Variants in XRCC4 observed in about 807,000 individuals in gnomAD.
The protein encoded by XRCC4 is X-ray repair cross complementing 4, also known as DNA repair protein XRCC4.
A neutral mutation model predicts 39.1 loss-of-function variants in XRCC4; 28 were observed. The ratio of observed to expected loss-of-function variants is 0.72; its 90% CI spans 0.53 to 0.98. XRCC4 has a LOEUF of 0.98. Among genes scored for constraint, XRCC4 ranks in the 50% least tolerant of loss-of-function variants. The probability of loss-of-function intolerance (pLI) is 0.00; values close to 1 mark genes in which losing one functional copy is unlikely to be tolerated. For synonymous variants in XRCC4, 123 were observed against 126.4 expected (o/e 0.97, Z 0.18); for missense variants, 350 against 376.4 (o/e 0.93, Z 0.58).
chr5:83,185,541 G>A (rs974437926), intron 3 of XRCC4, among the ~76,000 whole-genome samples: 17 of 151,428 alleles, frequency 1.1e-4, no homozygotes, highest in Admixed American at 2.0e-4. Context: ...TCTGAAATTC[G>A]TAGTCAAAAT....
intron 7 of XRCC4, among the ~76,000 whole-genome samples, chr5:83,285,191 A>G (rs1183253931): frequency 2.0e-5 from 3 of 152,194 alleles, no homozygotes; most frequent in Admixed American, 1.3e-4. Context: ...AAAGCAAATA[A>G]TATAAACAAA....
At chr5:83,100,963 G>A (rs950697978) in intron 1 of XRCC4, among the ~76,000 whole-genome samples, 3 of 152,190 alleles carry the variant, frequency 2.0e-5, no homozygotes, top group South Asian at 2.1e-4. Context: ...GGACCTTATT[G>A]TAGGAGAAAA....
At chr5:83,352,320 A>G (rs185823685) in intron 7 of XRCC4, among the ~76,000 whole-genome samples, 1 of 152,314 alleles carries the variant, frequency 6.6e-6, no homozygotes, top group Admixed American at 6.5e-5. Flanking sequence ...TCTAATTGAT[A>G]ATATTAAGCA....
Position 83,203,566 on chromosome 5 carries a change from T to G in XRCC4, c.497T>G (p.Val166Gly), listed in dbSNP as rs375731584. 1.3e-6 allele frequency: 2 copies of G among 1,585,352 alleles called. No individual in the cohort carries two copies. The highest frequency in any genetic ancestry group is 2.7e-5 in the African/African-American group (2 of 73,014). Reference sequence around the variant, plus strand: ...TACTTTTTTAGATTTGAAAAATGTGTGAGTGCTAAGGAAGCTTTGGAGACT... The same window carrying G: ...TACTTTTTTAGATTTGAAAAATGTGGGAGTGCTAAGGAAGCTTTGGAGACT... ...NDVQGRFEKC[V>G]SAKEALETDL... Residue 166 changes from valine to glycine, a missense_variant, in exon 5 of 8, where the codon GTG becomes GGG. Transcript: ENST00000396027.
intron 3 of XRCC4, among the ~76,000 whole-genome samples, chr5:83,137,490 A>G (rs1172582219): frequency 2.0e-5 from 3 of 152,186 alleles, no homozygotes; most frequent in South Asian, 4.1e-4. Context: ...ATATTTCAAA[A>G]TATTACTATT....
At chr5:83,093,128 A>G (rs1347335786) in intron 1 of XRCC4, among the ~76,000 whole-genome samples, 1 of 152,126 alleles carries the variant, frequency 6.6e-6, no homozygotes, top group Non-Finnish European at 1.5e-5. Context: ...GGAAAAAGAT[A>G]TTCTACACAA....
chr5:83,176,231 T>C (rs926590699), intron 3 of XRCC4, among the ~76,000 whole-genome samples: 4 of 152,128 alleles, frequency 2.6e-5, no homozygotes, highest in Non-Finnish European at 5.9e-5. Context: ...CAAATACTTT[T>C]TGGGTGCTAA....
At chr5:83,185,298 G>C (rs1369079740) in intron 3 of XRCC4, among the ~76,000 whole-genome samples, 2 of 150,008 alleles carry the variant, frequency 1.3e-5, no homozygotes, top group Non-Finnish European at 3.0e-5. Flanking sequence ...AATTCATTTT[G>C]GAAAGAAATT....
chr5:83,127,194 C>T (rs13175690), intron 3 of XRCC4, among the ~76,000 whole-genome samples: 27,320 of 151,912 alleles, frequency 0.18, 3,071 homozygotes, highest in Non-Finnish European at 0.26. Flanking sequence ...ATTTGGGGGG[C>T]TAGGGGTGGA....
intron 6 of XRCC4, among the ~76,000 whole-genome samples, chr5:83,240,700 GT>G (rs1222385811): frequency 1.3e-5 from 2 of 152,146 alleles, no homozygotes; most frequent in Non-Finnish European, 1.5e-5. Context: ...GTATTCTTGT[GT>G]GTACAAGATA....
chr5:83,130,550 G>T (rs551184299), intron 3 of XRCC4, among the ~76,000 whole-genome samples: 3 of 152,260 alleles, frequency 2.0e-5, no homozygotes, highest in Admixed American at 6.5e-5. Flanking sequence ...AATGGTACCA[G>T]CTCCTCTTTG....
In XRCC4 at chr5:83,306,125, G is replaced by T. The variant is rs527273746; in HGVS notation, c.894-47006G>T. Among the ~76,000 whole-genome samples, 17 of 59,250 alleles carry T rather than the reference G, an allele frequency of 2.9e-4. No homozygotes were observed. The East Asian group carries it at 8.5e-3, about 30-fold the overall frequency. The allele number at this position is 59,250 out of a possible 152,430, so 38.9% of individuals were successfully genotyped here. A position where few individuals can be genotyped will look rare whatever the true frequency, so the allele number is the denominator to read the frequency against. ...CATTTTAGTGAATTCTCTACTGAAGGTTGCAGATTTCTAGTGAATAGAAAC... is the reference window on the plus strand; with the variant it reads ...CATTTTAGTGAATTCTCTACTGAAGTTTGCAGATTTCTAGTGAATAGAAAC... On this transcript the variant is annotated intron_variant, in intron 7 of 7. Coordinates refer to ENST00000396027, the MANE Select transcript of XRCC4 (RefSeq NM_003401.5).
At chr5:83,156,556 A>G (rs1028398855) in intron 3 of XRCC4, among the ~76,000 whole-genome samples, 2 of 152,222 alleles carry the variant, frequency 1.3e-5, no homozygotes, top group Admixed American at 1.3e-4. Flanking sequence ...AGTATGTCTC[A>G]AATTTTTTTT....
At position 83,123,079 on chromosome 5, in the gene XRCC4, C is replaced by T. The variant is rs576064418; in HGVS notation, c.315+11876C>T. The stretch of plus-strand genomic sequence containing the variant: ...AGGTTGGTTGGTGGTGTTAAGTTTT[C>T]TATATTCTTGCTTATTTTCTGTCTA... On this transcript the variant is annotated intron_variant, in intron 3 of 7. Coordinates refer to ENST00000396027, the MANE Select transcript of XRCC4 (RefSeq NM_003401.5). Among the ~76,000 whole-genome samples the T allele has an allele frequency of 3.9e-5, 6 of 152,170 alleles. 1 individual carries two copies. The South Asian group carries it at 1.2e-3, about 32-fold the overall frequency.
At chr5:83,240,423 C>A (rs1027662260) in intron 6 of XRCC4, among the ~76,000 whole-genome samples, 3 of 151,994 alleles carry the variant, frequency 2.0e-5, no homozygotes, top group Non-Finnish European at 4.4e-5. Flanking sequence ...AAAACAGTAT[C>A]CTCAGAAATA....
intron 6 of XRCC4, 47 bp downstream of exon 6, chr5:83,204,968 G>T: frequency 1.5e-6 from 2 of 1,313,618 alleles, no homozygotes. Context: ...TCTTATTTGG[G>T]CTTCTTATTC....
chr5:83,191,299 A>C (rs1750681436), intron 3 of XRCC4, among the ~76,000 whole-genome samples: 1 of 152,200 alleles, frequency 6.6e-6, no homozygotes, highest in South Asian at 2.1e-4. Context: ...AACTCCAACA[A>C]TTCCCGTGTG....
intron 7 of XRCC4, among the ~76,000 whole-genome samples, chr5:83,337,028 T>C (rs1370449916): frequency 4.6e-5 from 7 of 152,186 alleles, no homozygotes; most frequent in Admixed American, 4.6e-4. Context: ...TTCTAAGTGA[T>C]AGCATTTCTA....
At chr5:83,155,675 T>G (rs1748923392) in intron 3 of XRCC4, among the ~76,000 whole-genome samples, 1 of 152,100 alleles carries the variant, frequency 6.6e-6, no homozygotes, top group Non-Finnish European at 1.5e-5. Context: ...TGTTAAAAAT[T>G]GTAAGAACAA....
Sources: gnomAD v4.1 joint callset for allele counts (sites outside exome capture counted in the v4.1 genomes callset) on GRCh38, gnomAD v4.1.1 for gene constraint, MANE v1.5 for transcripts, NCBI Gene and HGNC (gene_info 2026-07-23, HGNC 2026-07-21) for gene names.